Variants in DYTN observed in about 807,000 individuals in gnomAD.
DYTN encodes dystrotelin.
DYTN carries 75 observed loss-of-function variants against 69.6 expected under a neutral mutation model. The observed-to-expected ratio is 1.08, with a 90% CI of 0.89 to 1.31. The LOEUF is 1.31. Ranked by LOEUF, DYTN falls within the 50% of genes most tolerant of loss-of-function variation. DYTN has a pLI of 0.00. For missense variants in DYTN, 726 were observed against 688.4 expected (o/e 1.05, Z -0.61); for synonymous variants, 252 against 249.1 (o/e 1.01, Z -0.11).
intron 5 of DYTN, among the ~76,000 whole-genome samples, chr2:206,703,292 C>CA (rs1190151414): frequency 2.6e-5 from 4 of 152,162 alleles, no homozygotes; most frequent in Admixed American, 2.6e-4. Context: ...CCAGTCTCAC[C>CA]AGTCTGATTG....
At chr2:206,699,634 A>T in intron 7 of DYTN, 93 bp downstream of exon 7, 2 of 1,436,432 alleles carry the variant, frequency 1.4e-6, no homozygotes, top group Non-Finnish European at 1.8e-6. Flanking sequence ...CAGATGTGTA[A>T]GGAGGACCCC....
In DYTN at chr2:206,691,497, T is replaced by C. The variant is rs372977064; in HGVS notation, c.980+1678A>G. ...CAAGATCTCAAGTATCCAATATATA[T>C]ATAGATGATTAACATTTTATCATTA... On this transcript the variant is annotated intron_variant, in intron 9 of 11. Transcript: ENST00000452335. Among the ~76,000 whole-genome samples the C allele has an allele frequency of 1.8e-4, 28 of 152,304 alleles. 1 individual carries two copies. The East Asian group carries it at 4.8e-3, about 26-fold the overall frequency.
At chr2:206,670,060 T>C (rs1399956456) in intron 9 of DYTN, among the ~76,000 whole-genome samples, 1 of 152,188 alleles carries the variant, frequency 6.6e-6, no homozygotes, top group Non-Finnish European at 1.5e-5. Context: ...GATGATTAGT[T>C]CCTTAAGACA....
Position 206,683,938 on chromosome 2 carries a change from A to G in DYTN, c.980+9237T>C, listed in dbSNP as rs181850689. Among the ~76,000 whole-genome samples the G allele has an allele frequency of 1.5e-4, 23 of 151,580 alleles. 1 individual carries two copies. The East Asian group carries it at 4.1e-3, about 27-fold the overall frequency. On this transcript the variant is annotated intron_variant, in intron 9 of 11. Coordinates refer to ENST00000452335, the MANE Select transcript of DYTN (RefSeq NM_001093730.1). ...TTTGCTGCCATCTCTCCAAGTCTTTATTTTTCTTACCTGCCTCTCCTTTTT... is the reference window on the plus strand; with the variant it reads ...TTTGCTGCCATCTCTCCAAGTCTTTGTTTTTCTTACCTGCCTCTCCTTTTT...
chr2:206,659,987 CA>C (rs1699494934), intron 11 of DYTN, among the ~76,000 whole-genome samples: 2 of 123,106 alleles, frequency 1.6e-5, no homozygotes, highest in African/African-American at 6.0e-5. Context: ...TCTATACTTG[CA>C]AAGTATAAAG....
At chr2:206,686,290 T>C (rs1699804837) in intron 9 of DYTN, among the ~76,000 whole-genome samples, 1 of 152,212 alleles carries the variant, frequency 6.6e-6, no homozygotes, top group South Asian at 2.1e-4. Flanking sequence ...AGAAATTCTG[T>C]TGAATTTCAA....
rs373540387 is a variant in DYTN, at chr2:206,696,738, A to G, written c.720-1861T>C. On this transcript the variant is annotated intron_variant, in intron 7 of 11. Transcript: ENST00000452335. ...GCCATTTTAACCACTAGAATAGACC[A>G]CACTATCCTAGAATAGACCACCACT... is the stretch of plus-strand genomic sequence containing the variant. 3.3e-5 allele frequency among the ~76,000 whole-genome samples: 5 copies of G among 152,284 alleles called. No individual in the cohort carries two copies. In the East Asian group the frequency reaches 9.7e-4, roughly 29 times the overall value.
At chr2:206,691,765 C>A (rs1226425213) in intron 9 of DYTN, among the ~76,000 whole-genome samples, 1 of 151,786 alleles carries the variant, frequency 6.6e-6, no homozygotes, top group Non-Finnish European at 1.5e-5. Flanking sequence ...TTTAAAGAGC[C>A]ATAAAAACAT....
rs1268827337 is a variant in DYTN at position 206,665,856 on chromosome 2, C to G, written c.1140+14G>C. ...CAGGCAGTCCAGATGGCCAGTGTCC[C>G]TCACATTTTATACCTGTAGGTCCCG... On this transcript the variant is annotated intron_variant, in intron 10 of 11. Coordinates refer to ENST00000452335, the MANE Select transcript of DYTN (RefSeq NM_001093730.1). 1.2e-6 allele frequency: 2 copies of G among 1,612,228 alleles called. No individual in the cohort carries two copies. Among genetic ancestry groups the G allele is most frequent in the Non-Finnish European group, 1.7e-6 (2 of 1,179,138 alleles).
At position 206,710,543 on chromosome 2, in the gene DYTN, T is replaced by G; in HGVS notation, c.75A>C (p.Ser25=). ...ACTTACACTGGCACAGAGTTTGCAC[T>G]GATTGTAATTTGAAGGCTGTTCTAT... ...SIYRTAFKLQ[S]VQTLCQLDLI... is the part of the protein sequence containing the mutation. Residue 25 remains serine (S), a synonymous_variant, in exon 2 of 12, where the codon TCA becomes TCC. Transcript: ENST00000452335. 1 of 1,612,336 alleles carries G rather than the reference T, an allele frequency of 6.2e-7. No homozygotes were observed. Among genetic ancestry groups the G allele is most frequent in the Non-Finnish European group, 8.5e-7 (1 of 1,179,256 alleles).
At chr2:206,682,028 C>A (rs933838795) in intron 9 of DYTN, among the ~76,000 whole-genome samples, 1 of 152,064 alleles carries the variant, frequency 6.6e-6, no homozygotes, top group African/African-American at 2.4e-5. Context: ...GGTTGGTAGG[C>A]CATTACTTAC....
rs771372596 is a variant in DYTN at position 206,705,790 on chromosome 2, C to T, written c.380G>A (p.Arg127Gln). 18 of 1,613,438 alleles carry T rather than the reference C, an allele frequency of 1.1e-5. No individual in the cohort carries two copies. Among genetic ancestry groups the T allele is most frequent in the African/African-American group, 1.3e-5 (1 of 74,908 alleles). Residue 127 changes from arginine (R) to glutamine (Q), a missense_variant and splice_region_variant, in exon 4 of 12, where the codon CGA becomes CAA. Physicochemically the swap from Arg to Gln is conservative, Grantham distance 43. Coordinates refer to ENST00000452335, the MANE Select transcript of DYTN (RefSeq NM_001093730.1). Reference protein sequence around the residue: ...LSGDSPLSKYRALFQLYAENS... With the variant: ...LSGDSPLSKYQALFQLYAENS... ...ACCCGCAGTCCTCTGCATGTTACCTCGGTATTTTGAAAGAGGGCTGTCTCC... is the reference window on the plus strand; with the variant it reads ...ACCCGCAGTCCTCTGCATGTTACCTTGGTATTTTGAAAGAGGGCTGTCTCC...
intron 9 of DYTN, among the ~76,000 whole-genome samples, chr2:206,679,340 T>G (rs1699725407): frequency 6.6e-6 from 1 of 152,180 alleles, no homozygotes; most frequent in Non-Finnish European, 1.5e-5. Context: ...CCAGACAATT[T>G]TGTTGACAGA....
chr2:206,715,127 T>C (rs1574606473), intron 1 of DYTN, among the ~76,000 whole-genome samples: 1 of 151,498 alleles, frequency 6.6e-6, no homozygotes, highest in African/African-American at 2.4e-5. Context: ...GAATGGGAGG[T>C]CAGGAATGAG....
At position 206,711,558 on chromosome 2, in the gene DYTN, T is replaced by TG. The variant is rs375214761; in HGVS notation, c.20-961_20-960insC. On this transcript the variant is annotated intron_variant, in intron 1 of 11. Coordinates refer to ENST00000452335, the MANE Select transcript of DYTN (RefSeq NM_001093730.1). ...AATTGTTTCTCTTACCTTTCTTTTT[T>TG]TTGTTGTTGTTTTTTGTTTTTTTTA... Among the ~76,000 whole-genome samples the TG allele has an allele frequency of 6.5e-3, 989 of 152,158 alleles. 13 individuals carry two copies. Among genetic ancestry groups the TG allele is most frequent in the African/African-American group, 0.02 (843 of 41,526 alleles).
Position 206,699,824 on chromosome 2 carries a change from G to A in DYTN, c.622C>T (p.Leu208=), listed in dbSNP as rs1339022493. ...AACCGGTGGCAGGTCGGGAGCCACA[G>A]GAGGATGGGAGGCTCAGATTGGACC... ...SWVQSEPPIL[L]WLPTCHRLSA... is the part of the protein sequence containing the mutation. The change falls in exon 7 of 12, where the codon CTG becomes TTG. Residue 208 remains leucine, a synonymous_variant. Transcript: ENST00000452335. 1.2e-6 allele frequency: 2 copies of A among 1,613,782 alleles called. No individual in the cohort carries two copies. Among genetic ancestry groups the A allele is most frequent in the African/African-American group, 2.7e-5 (2 of 74,920 alleles).
chr2:206,713,919 A>C (rs1700102633), intron 1 of DYTN, among the ~76,000 whole-genome samples: 1 of 152,224 alleles, frequency 6.6e-6, no homozygotes. Flanking sequence ...AGGAGTTAGC[A>C]GGGTGTGCTG....
chr2:206,679,226 T>C (rs1699724214), intron 9 of DYTN: 1 of 152,178 alleles, frequency 6.6e-6, no homozygotes, highest in South Asian at 2.1e-4. Context: ...GGTATGACAT[T>C]GAGGAAAGCC....
chr2:206,707,341 G>C lies in DYTN; in HGVS notation c.257C>G (p.Pro86Arg). Residue 86 changes from proline to arginine, a missense_variant, in exon 3 of 12, where the codon CCG becomes CGG. By Grantham distance (103) the Pro-to-Arg change is moderately radical. Transcript: ENST00000452335. ...CGTGAGAAGGCTCAGAGTGAGTTCC[G>C]GAGCTCTGGGATGCACTTGTCCTGG... ...ENPGQVHPRA[P>R]ELTLSLLTTM... 1 of 1,612,522 alleles carries C rather than the reference G, an allele frequency of 6.2e-7. No individual in the cohort carries two copies. The highest frequency in any genetic ancestry group is 1.3e-5 in the African/African-American group (1 of 74,978).
Sources: gnomAD v4.1 joint callset for allele counts (sites outside exome capture counted in the v4.1 genomes callset) on GRCh38, gnomAD v4.1.1 for gene constraint, MANE v1.5 for transcripts, NCBI Gene and HGNC (gene_info 2026-07-23, HGNC 2026-07-21) for gene names.